ADAMTS9: variants seen among roughly 807,000 people sequenced by gnomAD.
ADAMTS9 encodes the protein ADAM metallopeptidase with thrombospondin type 1 motif 9.
A neutral mutation model predicts 257.1 loss-of-function variants in ADAMTS9; 107 were observed. The ratio of observed to expected loss-of-function variants is 0.42; its 90% CI spans 0.36 to 0.49. ADAMTS9 has a LOEUF of 0.49. Ranked by LOEUF, ADAMTS9 falls within the 20% of genes least tolerant of loss-of-function variation. The probability of loss-of-function intolerance (pLI) is 0.03; values close to 1 mark genes in which losing one functional copy is unlikely to be tolerated. For missense variants in ADAMTS9, 2,353 were observed against 2,469.1 expected (o/e 0.95, Z 1.00); for synonymous variants, 982 against 880.9 (o/e 1.11, Z -2.03).
chr3:64,663,486 A>G (rs1306256391), intron 3 of ADAMTS9, among the ~76,000 whole-genome samples: 1 of 149,452 alleles, frequency 6.7e-6, no homozygotes, highest in African/African-American at 2.5e-5. Context: ...CAGAATCATC[A>G]GAGGGGAAAA....
In ADAMTS9 at chr3:64,629,235, C is replaced by T. The variant is rs187124111; in HGVS notation, c.2389+2220G>A. On this transcript the variant is annotated intron_variant, in intron 16 of 39. Coordinates refer to ENST00000498707, the MANE Select transcript of ADAMTS9 (RefSeq NM_182920.2). ...AATGGCACCGCTTCTGTCCTGTACA[C>T]ACTTCCCCCACCATCTCTTCTCAAT... Among the ~76,000 whole-genome samples, 13 of 152,324 alleles carry T rather than the reference C, an allele frequency of 8.5e-5. No homozygotes were observed. The East Asian group carries it at 2.5e-3, about 29-fold the overall frequency.
intron 32 of ADAMTS9, among the ~76,000 whole-genome samples, chr3:64,542,976 C>T (rs1437793000): frequency 1.4e-4 from 22 of 152,092 alleles, no homozygotes; most frequent in African/African-American, 5.1e-4. Context: ...CATCAGAGAA[C>T]ACTATAAACA....
intron 29 of ADAMTS9, among the ~76,000 whole-genome samples, chr3:64,562,108 T>G (rs1040421331): frequency 6.6e-6 from 1 of 152,180 alleles, no homozygotes; most frequent in African/African-American, 2.4e-5. Context: ...ATTTCTATCC[T>G]GGAGGATTTG....
At chr3:64,561,406 C>T in intron 30 of ADAMTS9, 172 bp downstream of exon 30, 1 of 534,040 alleles carries the variant, frequency 1.9e-6, no homozygotes, top group Non-Finnish European at 3.0e-6. Flanking sequence ...ACAAGAAGTT[C>T]TCCCACCCTT....
intron 26 of ADAMTS9, among the ~76,000 whole-genome samples, chr3:64,598,406 C>G (rs6806628): frequency 0.083 from 12,619 of 151,456 alleles, 623 homozygotes; most frequent in African/African-American, 0.14. Context: ...CGGCCTCAAC[C>G]TCTCAGCTCA....
chr3:64,660,878 C>T (rs1204208030), intron 3 of ADAMTS9, among the ~76,000 whole-genome samples: 2 of 152,186 alleles, frequency 1.3e-5, no homozygotes, highest in Non-Finnish European at 2.9e-5. Flanking sequence ...AATCTTCCCT[C>T]TGTGAAATTG....
At chr3:64,603,883 C>A (rs768846836) in intron 25 of ADAMTS9, 39 bp downstream of exon 25, 1 of 1,606,858 alleles carries the variant, frequency 6.2e-7, no homozygotes, top group Non-Finnish European at 8.5e-7. Context: ...CTCAATGTTT[C>A]CCCCATTCCC....
rs1276542056 is a variant in ADAMTS9, at chr3:64,604,342, T to A, written c.3475-11A>T. 3 of 1,549,990 alleles carry A rather than the reference T, an allele frequency of 1.9e-6. No homozygotes were observed. The African/African-American group carries it at 4.2e-5, about 22-fold the overall frequency. On this transcript the variant is annotated splice_polypyrimidine_tract_variant and intron_variant, in intron 23 of 39. Transcript: ENST00000498707. The stretch of plus-strand genomic sequence containing the variant: ...TGGTAATTCACAGTCCTAGACGTGA[T>A]GGGGGAAAAAAAAACAAAGTCACTT...
At chr3:64,642,381 G>T (rs1401746706) in intron 11 of ADAMTS9, among the ~76,000 whole-genome samples, 1 of 152,104 alleles carries the variant, frequency 6.6e-6, no homozygotes, top group African/African-American at 2.4e-5. Flanking sequence ...AAGGCCTAGA[G>T]AAGTTACAAG....
intron 28 of ADAMTS9, among the ~76,000 whole-genome samples, chr3:64,573,044 T>C (rs1257798430): frequency 1.5e-5 from 2 of 136,358 alleles, no homozygotes; most frequent in Non-Finnish European, 3.0e-5. Context: ...TCCACTGCAC[T>C]CCAGCCTGGC....
rs537385184 is a variant in ADAMTS9, at chr3:64,516,723, T to C, written c.*404A>G. On this transcript the variant is annotated 3_prime_UTR_variant, in exon 40 of 40. Coordinates refer to ENST00000498707, the MANE Select transcript of ADAMTS9 (RefSeq NM_182920.2). ...CACCTTGATGATGGCTAGATTGTTT[T>C]AAAAAAATTCATTTTAAAAAAGTAA... 6.5e-6 allele frequency: 1 copy of C among 152,720 alleles called. No homozygotes were observed. Among genetic ancestry groups the C allele is most frequent in the African/African-American group, 2.4e-5 (1 of 41,562 alleles). 9.5% of individuals were successfully genotyped at this position (152,720 alleles called of 1,614,324 possible). A position where few individuals can be genotyped will look rare whatever the true frequency, so the allele number is the denominator to read the frequency against.
intron 28 of ADAMTS9, among the ~76,000 whole-genome samples, chr3:64,584,475 C>CT (rs905342040): frequency 1.5e-4 from 23 of 151,998 alleles, no homozygotes; most frequent in African/African-American, 5.1e-4. Context: ...ACCCCACTCC[C>CT]TTTTTTATCA....
At position 64,647,802 on chromosome 3, in the gene ADAMTS9, A is replaced by T. The variant is rs574006188; in HGVS notation, c.1710+138T>A. ...ATTTTTAATTGTCTAACTTCTAAAC[A>T]TCTGTCCTCTAAAAAATATTATGCA... is the stretch of plus-strand genomic sequence containing the variant. On this transcript the variant is annotated intron_variant, in intron 11 of 39. Transcript: ENST00000498707. 1.3e-5 allele frequency: 8 copies of T among 626,624 alleles called. No individual in the cohort carries two copies. In the Admixed American group the frequency reaches 2.5e-4, roughly 20 times the overall value. The allele number at this position is 626,624 out of a possible 1,614,324, so 38.8% of individuals were successfully genotyped here.
At chr3:64,678,973 C>T (rs1701689869) in intron 3 of ADAMTS9, among the ~76,000 whole-genome samples, 1 of 152,212 alleles carries the variant, frequency 6.6e-6, no homozygotes, top group East Asian at 1.9e-4. Flanking sequence ...CAGGAGCAAG[C>T]AAACACTAGG....
At chr3:64,517,582 T>C (rs2082796202) in intron 39 of ADAMTS9, among the ~76,000 whole-genome samples, 3 of 151,588 alleles carry the variant, frequency 2.0e-5, no homozygotes, top group Admixed American at 6.6e-5. Context: ...TAATGTTTGT[T>C]TGCTGTAAGA....
At chr3:64,527,454 G>T (rs1480153207) in intron 38 of ADAMTS9, among the ~76,000 whole-genome samples, 1 of 152,126 alleles carries the variant, frequency 6.6e-6, no homozygotes, top group African/African-American at 2.4e-5. Flanking sequence ...GAGGATGCTG[G>T]TGGTAGAAGC....
At chr3:64,607,142 C>T in intron 22 of ADAMTS9, 63 bp from the exon 23 acceptor site, 1 of 1,588,774 alleles carries the variant, frequency 6.3e-7, no homozygotes, top group Non-Finnish European at 8.6e-7. Flanking sequence ...CTTACTTTCC[C>T]CATAACATTC....
At chr3:64,612,738 T>C (rs2084689819) in intron 22 of ADAMTS9, among the ~76,000 whole-genome samples, 1 of 152,206 alleles carries the variant, frequency 6.6e-6, no homozygotes, top group Non-Finnish European at 1.5e-5. Flanking sequence ...CCGAGAGTAG[T>C]GGCTTCTCAG....
intron 39 of ADAMTS9, among the ~76,000 whole-genome samples, chr3:64,520,359 A>G (rs2082833597): frequency 6.6e-6 from 1 of 152,202 alleles, no homozygotes; most frequent in Admixed American, 6.6e-5. Flanking sequence ...AAATGTCCAT[A>G]CTGCCCAAAG....
Sources: allele counts gnomAD v4.1 joint callset (sites outside exome capture counted in the v4.1 genomes callset), GRCh38; gene constraint gnomAD v4.1.1; transcripts MANE v1.5; gene names NCBI Gene and HGNC (gene_info 2026-07-23, HGNC 2026-07-21).